SECISBP2L: variants seen among roughly 807,000 people sequenced by gnomAD.
SECISBP2L encodes SECIS binding protein 2 like.
Under a neutral mutation model 114.7 loss-of-function variants are expected in SECISBP2L, and 43 were observed. The ratio of observed to expected loss-of-function variants is 0.38; its 90% CI spans 0.29 to 0.48. SECISBP2L has a LOEUF of 0.48. Ranked by LOEUF, SECISBP2L falls within the 20% of genes least tolerant of loss-of-function variation. SECISBP2L has a pLI of 0.98. For synonymous variants in SECISBP2L, 451 were observed against 439.7 expected (o/e 1.03, Z -0.32); for missense variants, 1,136 against 1,301.1 (o/e 0.87, Z 1.95).
At chr15:49,037,272 CAAAAAAAAAAAAAAAAAA>C (rs147547008) in intron 2 of SECISBP2L, 19 of 76,000 alleles carry the variant, frequency 2.5e-4, no homozygotes, top group African/African-American at 6.9e-4. Context: ...TGTTCAATCT[CAAAAAAAAAAAAAAAAAA>C]AAAAAAAAAA....
chr15:49,034,053 A>G (rs1248750103), intron 3 of SECISBP2L, among the ~76,000 whole-genome samples: 8 of 150,058 alleles, frequency 5.3e-5, no homozygotes, highest in Non-Finnish European at 7.4e-5. Flanking sequence ...TTTTTTTTTC[A>G]TTCTGAGTTC....
intron 11 of SECISBP2L, among the ~76,000 whole-genome samples, chr15:49,014,240 A>AGT (rs1845376560): frequency 6.6e-6 from 1 of 152,190 alleles, no homozygotes; most frequent in African/African-American, 2.4e-5. Flanking sequence ...TGCCTTCTGT[A>AGT]ACATTACACT....
Position 49,033,001 on chromosome 15 carries a change from T to C in SECISBP2L, c.628A>G (p.Lys210Glu), listed in dbSNP as rs752717151. 4.3e-6 allele frequency: 7 copies of C among 1,614,114 alleles called. 1 individual carries two copies. The highest frequency in any genetic ancestry group is 2.2e-5 in the South Asian group (2 of 91,066). The change falls in exon 4 of 18, where the codon AAA (lysine) becomes GAA (glutamate). Residue 210 changes from lysine to glutamate, a missense_variant. This residue lies in a region of SECISBP2L where 452 missense variants were observed against 452.3 expected (regional missense o/e 1.00). Transcript: ENST00000559471. ...GAAGCATCTACCAGAAGCACAATTTTTGATCGACTATCAGGACCTGCTGCA... is the reference window on the plus strand; with the variant it reads ...GAAGCATCTACCAGAAGCACAATTTCTGATCGACTATCAGGACCTGCTGCA... ...TNAAGPDSRS[K>E]IVLLVDASQQ... is the part of the protein sequence containing the mutation.
Position 49,028,690 on chromosome 15 carries a change from G to A in SECISBP2L, c.665-8C>T, listed in dbSNP as rs1298178411. 1 of 1,604,260 alleles carries A rather than the reference G, an allele frequency of 6.2e-7. No homozygotes were observed. Among genetic ancestry groups the A allele is most frequent in the Non-Finnish European group, 8.5e-7 (1 of 1,171,658 alleles). Reference sequence around the variant, plus strand: ...CGATATCTGATGGGAAATCTACAAAGGCAAGGAAAGTTTGACAATTCTTTG... The same window carrying A: ...CGATATCTGATGGGAAATCTACAAAAGCAAGGAAAGTTTGACAATTCTTTG... On this transcript the variant is annotated splice_polypyrimidine_tract_variant and splice_region_variant and intron_variant, in intron 4 of 17. Transcript: ENST00000559471.
intron 8 of SECISBP2L, among the ~76,000 whole-genome samples, chr15:49,018,291 T>C (rs1182763043): frequency 6.6e-6 from 1 of 151,630 alleles, no homozygotes; most frequent in African/African-American, 2.4e-5. Flanking sequence ...AGTTTCACTA[T>C]TGTTGCCCAG....
rs1345082846 is a variant in SECISBP2L at position 49,019,446 on chromosome 15, T to C, written c.1142A>G (p.Asp381Gly). 4.8e-6 allele frequency: 7 copies of C among 1,455,624 alleles called. No individual in the cohort carries two copies. The highest frequency in any genetic ancestry group is 6.3e-6 in the Non-Finnish European group (7 of 1,115,468). 90.2% of individuals were successfully genotyped at this position (1,455,624 alleles called of 1,614,324 possible). Residue 381 changes from aspartate (D) to glycine (G), a missense_variant, in exon 8 of 18, where the codon GAT becomes GGT. Transcript: ENST00000559471. ...HLSSSQSHRS[D>G]PNSESLYFED... ...AAAATATAAAGACTCAGAATTTGGA[T>C]CGCTTCTATGGGATTGACTAGAGCT...
At chr15:49,013,087 A>AT (rs1902469797) in intron 11 of SECISBP2L, 3 of 295,152 alleles carry the variant, frequency 1.0e-5, no homozygotes, top group Non-Finnish European at 1.9e-5. Flanking sequence ...CAAACATGGC[A>AT]ATTCCTTGCA....
intron 1 of SECISBP2L, among the ~76,000 whole-genome samples, chr15:49,041,419 A>T (rs1274398912): frequency 1.3e-5 from 2 of 152,240 alleles, no homozygotes; most frequent in African/African-American, 4.8e-5. Flanking sequence ...CAAAAATGTT[A>T]TTTAAAAGAG....
At chr15:49,035,082 T>C (rs951895368) in intron 3 of SECISBP2L, among the ~76,000 whole-genome samples, 1 of 152,234 alleles carries the variant, frequency 6.6e-6, no homozygotes. Flanking sequence ...TGTAAATATT[T>C]CTGCCTTATG....
chr15:49,032,829 G>T, intron 4 of SECISBP2L, 136 bp downstream of exon 4: 2 of 1,164,402 alleles, frequency 1.7e-6, no homozygotes, highest in Non-Finnish European at 2.4e-6. Context: ...CCTTCCTAGA[G>T]AATTTCACAA....
chr15:49,042,021 A>C (rs1903143227), intron 1 of SECISBP2L, among the ~76,000 whole-genome samples: 1 of 152,248 alleles, frequency 6.6e-6, no homozygotes, highest in Admixed American at 6.5e-5. Flanking sequence ...CATACTGGGC[A>C]GAATGCTTTG....
intron 16 of SECISBP2L, among the ~76,000 whole-genome samples, chr15:48,996,972 T>C (rs151276624): frequency 6.3e-4 from 96 of 152,280 alleles, no homozygotes; most frequent in Admixed American, 9.8e-4. Flanking sequence ...AAGAGACACC[T>C]ATAATGCAAG....
intron 16 of SECISBP2L, among the ~76,000 whole-genome samples, chr15:48,998,664 A>G (rs1902144712): frequency 6.6e-6 from 1 of 152,218 alleles, no homozygotes; most frequent in African/African-American, 2.4e-5. Flanking sequence ...TGGAAGCTTA[A>G]TTCCAAGATT....
intron 13 of SECISBP2L, among the ~76,000 whole-genome samples, chr15:49,009,812 G>C (rs1428939399): frequency 6.6e-6 from 1 of 152,068 alleles, no homozygotes; most frequent in African/African-American, 2.4e-5. Context: ...TGTGTTCCCA[G>C]AGAATTTAAA....
chr15:49,012,533 T>C (rs1247683785), intron 12 of SECISBP2L, 115 bp downstream of exon 12: 2 of 1,018,558 alleles, frequency 2.0e-6, no homozygotes, highest in Non-Finnish European at 3.0e-6. Context: ...GATTCATGTG[T>C]ATGAATACTT....
At chr15:49,016,733 T>A in intron 10 of SECISBP2L, 32 bp from the exon 11 acceptor site, 1 of 1,512,992 alleles carries the variant, frequency 6.6e-7, no homozygotes. Flanking sequence ...TTAATTTTTT[T>A]GTTATAGTAC....
intron 1 of SECISBP2L, among the ~76,000 whole-genome samples, chr15:49,045,495 TG>T (rs568934003): frequency 1.1e-3 from 164 of 152,232 alleles, no homozygotes; most frequent in African/African-American, 3.6e-3. Flanking sequence ...TGGAAAATAC[TG>T]GGGGGGAAAC....
At chr15:49,011,527 C>CCTA (rs781535218) in intron 13 of SECISBP2L, 8 of 468,266 alleles carry the variant, frequency 1.7e-5, no homozygotes, top group Non-Finnish European at 2.6e-5. Context: ...ATGTCATAGG[C>CCTA]CTACTATATA....
At position 48,992,905 on chromosome 15, in the gene SECISBP2L, A is replaced by T. The variant is rs1254266852; in HGVS notation, c.2645T>A (p.Val882Glu). The change falls in exon 18 of 18, where the codon GTG (valine) becomes GAG (glutamate). Residue 882 changes from valine to glutamate, a missense_variant. Val to Glu is a moderately radical substitution (Grantham distance 121). Coordinates refer to ENST00000559471, the MANE Select transcript of SECISBP2L (RefSeq NM_001193489.2). ...KEYETNWRNMVETSDGLEASE... is the reference protein window; with the variant it reads ...KEYETNWRNMEETSDGLEASE... Reference sequence around the variant, plus strand: ...TGCTTCCAGTCCATCTGAAGTTTCCACCATGTTTCTCCAATTTGTTTCTAC... The same window carrying T: ...TGCTTCCAGTCCATCTGAAGTTTCCTCCATGTTTCTCCAATTTGTTTCTAC... The T allele has an allele frequency of 6.2e-7, 1 of 1,612,220 alleles. No individual in the cohort carries two copies. The highest frequency in any genetic ancestry group is 8.5e-7 in the Non-Finnish European group (1 of 1,178,652).
Sources: gnomAD v4.1 joint callset for allele counts (sites outside exome capture counted in the v4.1 genomes callset) on GRCh38, gnomAD v4.1.1 for gene constraint, gnomAD v4.1.1 regional missense constraint, MANE v1.5 for transcripts, NCBI Gene and HGNC (gene_info 2026-07-23, HGNC 2026-07-21) for gene names.